The following RAD54L2 variants were observed in gnomAD, a reference collection of about 807,000 sequenced individuals.
RAD54L2 encodes the protein RAD54 like 2.
In RAD54L2, 27 loss-of-function variants were observed where a neutral mutation model predicts 138.4. The ratio of observed to expected loss-of-function variants is 0.20; its 90% confidence interval spans 0.14 to 0.27. The LOEUF is 0.27. Among genes scored for constraint, RAD54L2 ranks in the 10% least tolerant of loss-of-function variants. RAD54L2 has a pLI of 1.00. For synonymous variants in RAD54L2, 644 were observed against 723.2 expected (o/e 0.89, Z 1.76); for missense variants, 1,396 against 1,890.2 (o/e 0.74, Z 4.85).
intron 3 of RAD54L2, among the ~76,000 whole-genome samples, chr3:51,608,325 C>T (rs1447361765): frequency 6.6e-6 from 1 of 151,646 alleles, no homozygotes; most frequent in African/African-American, 2.4e-5. Context: ...CGGGAAGAGG[C>T]AATCCTCACT....
chr3:51,653,501 A>G (rs1346118437), intron 19 of RAD54L2, among the ~76,000 whole-genome samples: 3 of 152,228 alleles, frequency 2.0e-5, no homozygotes, highest in African/African-American at 7.2e-5. Context: ...TTGCGGCACT[A>G]TTCACAATAG....
chr3:51,611,942 C>T (rs542094140), intron 3 of RAD54L2, among the ~76,000 whole-genome samples: 128 of 152,054 alleles, frequency 8.4e-4, no homozygotes, highest in Non-Finnish European at 1.2e-3. Flanking sequence ...GGTCCCTGGG[C>T]GGTAGAGTTT....
chr3:51,609,425 A>G (rs1485648625), intron 3 of RAD54L2, among the ~76,000 whole-genome samples: 2 of 152,036 alleles, frequency 1.3e-5, no homozygotes, highest in African/African-American at 4.8e-5. Flanking sequence ...TCTTCAACCT[A>G]CTCTGTTCTC....
chr3:51,638,428 G>A lies in RAD54L2; in HGVS notation c.1860+107G>A. 1.5e-6 allele frequency: 2 copies of A among 1,356,682 alleles called. No individual in the cohort carries two copies. The highest frequency in any genetic ancestry group is 2.0e-6 in the Non-Finnish European group (2 of 981,568). 84.0% of individuals were successfully genotyped at this position (1,356,682 alleles called of 1,614,324 possible). Reference sequence around the variant, plus strand: ...TCAATAAAGGGAGAATAAAGTGAGAGGGGGCCACCTCAGTTCACTGCACTG... The same window carrying A: ...TCAATAAAGGGAGAATAAAGTGAGAAGGGGCCACCTCAGTTCACTGCACTG... On this transcript the variant is annotated intron_variant, in intron 12 of 22. Transcript: ENST00000684192. This position sits in a 1 kb window ranked among gnomAD's most constrained non-coding sequence, Gnocchi z 4.3.
chr3:51,648,132 C>T (rs1331461303), intron 19 of RAD54L2, among the ~76,000 whole-genome samples: 1 of 152,204 alleles, frequency 6.6e-6, no homozygotes, highest in African/African-American at 2.4e-5. Context: ...AAACGGCACA[C>T]CAGGAGATTA....
chr3:51,602,031 C>A (rs1700093277), intron 3 of RAD54L2, among the ~76,000 whole-genome samples: 1 of 151,864 alleles, frequency 6.6e-6, no homozygotes, highest in Admixed American at 6.6e-5. Flanking sequence ...GCGGTTTCAC[C>A]ATGTTGGCCA....
chr3:51,634,767 G>A (rs1176921912), intron 9 of RAD54L2, among the ~76,000 whole-genome samples: 1 of 152,074 alleles, frequency 6.6e-6, no homozygotes, highest in Non-Finnish European at 1.5e-5. Flanking sequence ...GACCTTTAAT[G>A]GTACAACTCC....
intron 3 of RAD54L2, among the ~76,000 whole-genome samples, chr3:51,599,024 CG>C (rs1028732909): frequency 5.3e-5 from 8 of 152,082 alleles, no homozygotes; most frequent in Admixed American, 3.3e-4. Context: ...TGGTGTGCGT[CG>C]GGGGGCAGTC....
intron 2 of RAD54L2, among the ~76,000 whole-genome samples, chr3:51,580,091 A>G (rs1217171473): frequency 6.6e-6 from 1 of 152,124 alleles, no homozygotes; most frequent in Non-Finnish European, 1.5e-5. Flanking sequence ...CGGTATTGCA[A>G]CAACACCCCC....
At chr3:51,550,209 A>G (rs1698802897) in intron 2 of RAD54L2, among the ~76,000 whole-genome samples, 1 of 152,024 alleles carries the variant, frequency 6.6e-6, no homozygotes, top group South Asian at 2.1e-4. Flanking sequence ...CCCATTTCCT[A>G]TAGCAGCTGT....
Position 51,662,886 on chromosome 3 carries a change from C to T in RAD54L2, c.3870C>T (p.Val1290=). The T allele has an allele frequency of 6.2e-7, 1 of 1,613,832 alleles. No homozygotes were observed. Among genetic ancestry groups the T allele is most frequent in the Non-Finnish European group, 8.5e-7 (1 of 1,179,882 alleles). ...AGCCGTATGAACACGGGTATCCAGTCTCTGGCGGGTTTGCCATGCCACCCG... is the reference window on the plus strand; with the variant it reads ...AGCCGTATGAACACGGGTATCCAGTTTCTGGCGGGTTTGCCATGCCACCCG... ...PVQPYEHGYP[V]SGGFAMPPVS... is the part of the protein sequence containing the mutation. Residue 1290 remains valine, a synonymous_variant, in exon 23 of 23, where the codon GTC becomes GTT. Coordinates refer to ENST00000684192, the MANE Select transcript of RAD54L2 (RefSeq NM_015106.4). The surrounding 1 kb of genome is among the most constrained non-coding windows in gnomAD (Gnocchi z 4.6).
At chr3:51,561,326 A>G (rs557894164) in intron 2 of RAD54L2, among the ~76,000 whole-genome samples, 1 of 151,952 alleles carries the variant, frequency 6.6e-6, no homozygotes, top group African/African-American at 2.4e-5. Flanking sequence ...GTTCATTGCA[A>G]CCTCCACCTC....
intron 3 of RAD54L2, among the ~76,000 whole-genome samples, chr3:51,594,038 T>C (rs189034127): frequency 6.6e-6 from 1 of 151,388 alleles, no homozygotes; most frequent in Admixed American, 6.6e-5. Flanking sequence ...CACTTTATCA[T>C]ACTTAATTGT....
At chr3:51,653,364 A>T (rs929270092) in intron 19 of RAD54L2, among the ~76,000 whole-genome samples, 1 of 152,212 alleles carries the variant, frequency 6.6e-6, no homozygotes, top group African/African-American at 2.4e-5. Flanking sequence ...ATTGTGGAAG[A>T]CAGTGTGGTG....
intron 21 of RAD54L2, among the ~76,000 whole-genome samples, chr3:51,659,677 C>T (rs1428159722): frequency 6.6e-6 from 1 of 152,170 alleles, no homozygotes; most frequent in Non-Finnish European, 1.5e-5. Flanking sequence ...TTTGTAGCAC[C>T]TTATTTGCTT....
chr3:51,633,957 A>G lies in RAD54L2; in HGVS notation c.1064A>G (p.Glu355Gly). 1 of 1,613,974 alleles carries G rather than the reference A, an allele frequency of 6.2e-7. No homozygotes were observed. Among genetic ancestry groups the G allele is most frequent in the Non-Finnish European group, 8.5e-7 (1 of 1,179,858 alleles). The part of the protein sequence containing the change: ...AEFNMWLPPP[E>G]ALPADNKPEE... ...TTCAACATGTGGCTTCCACCTCCTG[A>G]AGCCCTCCCGGCTGACAACAAGCCT... The change falls in exon 9 of 23, where the codon GAA (glutamate) becomes GGA (glycine). Residue 355 changes from glutamate to glycine, a missense_variant. Around this residue, in one of 7 missense-constraint regions of RAD54L2, gnomAD observed 169 missense variants for 235.6 expected, o/e 0.72. Coordinates refer to ENST00000684192, the MANE Select transcript of RAD54L2 (RefSeq NM_015106.4).
At chr3:51,658,667 C>T (rs562041585) in intron 21 of RAD54L2, among the ~76,000 whole-genome samples, 2 of 152,154 alleles carry the variant, frequency 1.3e-5, no homozygotes, top group Non-Finnish European at 2.9e-5. Flanking sequence ...TTTGCCCTAG[C>T]TTCTATTGGG....
intron 3 of RAD54L2, among the ~76,000 whole-genome samples, chr3:51,608,846 C>G (rs1006274125): frequency 1.3e-5 from 2 of 151,966 alleles, no homozygotes; most frequent in African/African-American, 2.4e-5. Context: ...AGAGGGAGAC[C>G]GTGCAAAGAG....
At chr3:51,633,490 CTTAA>C (rs1407389693) in intron 7 of RAD54L2, 83 bp from the exon 8 acceptor site, 2 of 1,329,620 alleles carry the variant, frequency 1.5e-6, no homozygotes, top group Non-Finnish European at 2.1e-6. Context: ...TTCTCACTTA[CTTAA>C]TTCTTACTAA....
Sources: gnomAD v4.1 joint callset for allele counts (sites outside exome capture counted in the v4.1 genomes callset) on GRCh38, gnomAD v4.1.1 for gene constraint, gnomAD v4.1.1 regional missense constraint, Gnocchi (gnomAD v3.1) non-coding constraint, MANE v1.5 for transcripts, NCBI Gene and HGNC (gene_info 2026-07-23, HGNC 2026-07-21) for gene names.